The following DPYD variants were observed in gnomAD, a reference collection of about 807,000 sequenced individuals.
DPYD encodes dihydropyrimidine dehydrogenase.
A neutral mutation model predicts 116.2 loss-of-function variants in DPYD; 109 were observed. The ratio of observed to expected loss-of-function variants is 0.94; its 90% CI spans 0.80 to 1.10. The LOEUF (loss-of-function observed/expected upper bound fraction) is 1.10, where lower values mean the gene tolerates loss of function less well. Among genes scored for constraint, DPYD ranks in the 50% least tolerant of loss-of-function variants. The pLI is 0.00. For synonymous variants in DPYD, 440 were observed against 432.0 expected, an observed-to-expected ratio of 1.02 and a Z score of -0.23; for missense variants, 1,302 against 1,254.5, an observed-to-expected ratio of 1.04 and a Z score of -0.57.
chr1:97,246,434 A>G (rs1196576778), intron 18 of DPYD, among the ~76,000 whole-genome samples: 1 of 152,102 alleles, frequency 6.6e-6, no homozygotes, highest in Non-Finnish European at 1.5e-5. Context: ...GTGGTCTAGG[A>G]AGGCTTTGAG....
intron 12 of DPYD, among the ~76,000 whole-genome samples, chr1:97,532,035 G>T (rs1265537507): frequency 2.0e-5 from 3 of 151,840 alleles, no homozygotes; most frequent in African/African-American, 7.2e-5. Context: ...AGTTTTCAGG[G>T]TTTTGTATGT....
At chr1:97,389,871 A>AAT (rs1011397937) in intron 14 of DPYD, among the ~76,000 whole-genome samples, 3 of 150,882 alleles carry the variant, frequency 2.0e-5, no homozygotes, top group African/African-American at 7.3e-5. Context: ...TGGCAAAAAA[A>AAT]AAAAAAGTAG....
At chr1:97,410,419 T>G (rs1367292308) in intron 14 of DPYD, among the ~76,000 whole-genome samples, 1 of 152,206 alleles carries the variant, frequency 6.6e-6, no homozygotes, top group African/African-American at 2.4e-5. Context: ...TATTGTATAT[T>G]TGACATTAAA....
intron 13 of DPYD, among the ~76,000 whole-genome samples, chr1:97,468,532 G>A (rs894079852): frequency 1.1e-4 from 16 of 152,172 alleles, no homozygotes; most frequent in African/African-American, 2.4e-4. Flanking sequence ...TTGCCAGTGC[G>A]TTAAACTTAG....
At chr1:97,241,569 A>G (rs1001040357) in intron 18 of DPYD, among the ~76,000 whole-genome samples, 4 of 152,020 alleles carry the variant, frequency 2.6e-5, no homozygotes, top group African/African-American at 9.7e-5. Context: ...AGCAATTACC[A>G]AAAGAACCAT....
chr1:97,608,912 CTATT>C lies in DPYD; in HGVS notation c.851-13750_851-13747del, dbSNP rs757998277. ...GAAATTCTCAGTTGCTGTTTAGAAACTATTTAAGTTCACTGTAAACTATATAATA... is the reference window on the plus strand; with the variant it reads ...GAAATTCTCAGTTGCTGTTTAGAAACTAAGTTCACTGTAAACTATATAATA... On this transcript the variant is annotated intron_variant, in intron 8 of 22. Coordinates refer to ENST00000370192, the MANE Select transcript of DPYD (RefSeq NM_000110.4). 5.9e-5 allele frequency among the ~76,000 whole-genome samples: 9 copies of C among 151,910 alleles called. No homozygotes were observed. The East Asian group carries it at 1.4e-3, about 23-fold the overall frequency.
Position 97,721,598 on chromosome 1 carries a change from G to GTC in DPYD, c.394_395insGA (p.Thr132ArgfsTer7). The stretch of plus-strand genomic sequence containing the variant: ...GCATCCACCTACACAAAGATCAGAG[G>GTC]TTGGACATACCATTCCACAAGTCAG... On this transcript the variant is annotated frameshift_variant, in exon 5 of 23. Transcript: ENST00000370192. LOFTEE classifies it high-confidence loss of function. The GTC allele has an allele frequency of 1.9e-6, 3 of 1,611,822 alleles. No homozygotes were observed. Among genetic ancestry groups the GTC allele is most frequent in the South Asian group, 2.2e-5 (2 of 91,028 alleles).
Position 97,323,514 on chromosome 1 carries a change from G to A in DPYD, c.2059-17217C>T, listed in dbSNP as rs183447662. ...ATATACATATCATATGTACATATGTGTATATATACACATATATATACATAT... is the reference window on the plus strand; with the variant it reads ...ATATACATATCATATGTACATATGTATATATATACACATATATATACATAT... On this transcript the variant is annotated intron_variant, in intron 16 of 22. Coordinates refer to ENST00000370192, the MANE Select transcript of DPYD (RefSeq NM_000110.4). 1.5e-4 allele frequency among the ~76,000 whole-genome samples: 12 copies of A among 79,010 alleles called. 1 individual carries two copies. The highest frequency in any genetic ancestry group is 5.5e-4 in the African/African-American group (12 of 21,644). 51.8% of individuals were successfully genotyped at this position (79,010 alleles called of 152,430 possible). A position where few individuals can be genotyped will look rare whatever the true frequency, so the allele number is the denominator to read the frequency against.
chr1:97,663,575 G>C (rs1008369027), intron 8 of DPYD, among the ~76,000 whole-genome samples: 8 of 152,106 alleles, frequency 5.3e-5, no homozygotes, highest in Non-Finnish European at 1.2e-4. Flanking sequence ...TGCTGGTCTT[G>C]CTCTTCTCCA....
Position 97,204,724 on chromosome 1 carries a change from G to A in DPYD, c.2443-11476C>T, listed in dbSNP as rs147837968. On this transcript the variant is annotated intron_variant, in intron 19 of 22. Coordinates refer to ENST00000370192, the MANE Select transcript of DPYD (RefSeq NM_000110.4). ...TTCATTCCTGTCTTTATATTGGAGG[G>A]AGACTTTCACTTGTCCCTGTGGAAT... Among the ~76,000 whole-genome samples, 168 of 152,142 alleles carry A rather than the reference G, an allele frequency of 1.1e-3. 1 individual carries two copies. The highest frequency in any genetic ancestry group is 3.9e-3 in the African/African-American group (162 of 41,514).
intron 18 of DPYD, among the ~76,000 whole-genome samples, chr1:97,281,658 CA>C (rs1665331580): frequency 6.6e-6 from 1 of 151,894 alleles, no homozygotes; most frequent in Non-Finnish European, 1.5e-5. Context: ...AGGAAGTTAT[CA>C]AACTAAGTCC....
rs770958862 is a variant in DPYD, at chr1:97,234,947, G to A, written c.2347C>T (p.Arg783Cys). 1.7e-5 allele frequency: 28 copies of A among 1,614,012 alleles called. No homozygotes were observed. Among genetic ancestry groups the A allele is most frequent in the Admixed American group, 1.0e-4 (6 of 60,008 alleles). ...AAAATGGGAAATCCAGGCAGAGCAC[G>A]AGCAATGGAGGTCACAGCTCTCAAA... is the stretch of plus-strand genomic sequence containing the variant. Reference protein sequence around the residue: ...IALRAVTSIARALPGFPILAT... With the variant: ...IALRAVTSIACALPGFPILAT... The change falls in exon 19 of 23, where the codon CGT becomes TGT. Residue 783 changes from arginine (R) to cysteine (C), a missense_variant. Transcript: ENST00000370192.
intron 11 of DPYD, among the ~76,000 whole-genome samples, chr1:97,568,161 A>G (rs1468014452): frequency 6.6e-6 from 1 of 152,120 alleles, no homozygotes; most frequent in Non-Finnish European, 1.5e-5. Flanking sequence ...TAAAAAAATC[A>G]TGAATGTATG....
intron 6 of DPYD, among the ~76,000 whole-genome samples, chr1:97,692,254 G>T (rs1435102618): frequency 6.6e-6 from 1 of 151,700 alleles, no homozygotes; most frequent in African/African-American, 2.4e-5. Context: ...TGTACTTCTA[G>T]CTTGTTGATA....
Position 97,227,220 on chromosome 1 carries a change from G to A in DPYD, c.2442+7632C>T, listed in dbSNP as rs113782113. On this transcript the variant is annotated intron_variant, in intron 19 of 22. Transcript: ENST00000370192. ...CGCACTTGTAATCCCAGCTCTACTCGGGAGGCTGAGGCAGGAAAATGGCTT... is the reference window on the plus strand; with the variant it reads ...CGCACTTGTAATCCCAGCTCTACTCAGGAGGCTGAGGCAGGAAAATGGCTT... Among the ~76,000 whole-genome samples, 633 of 151,232 alleles carry A rather than the reference G, an allele frequency of 4.2e-3. 4 individuals carry two copies. Among genetic ancestry groups the A allele is most frequent in the African/African-American group, 0.014 (586 of 41,172 alleles).
At chr1:97,229,546 GTATATATATATATATATATATA>G (rs55638142) in intron 19 of DPYD, among the ~76,000 whole-genome samples, 29 of 58,168 alleles carry the variant, frequency 5.0e-4, no homozygotes, top group Non-Finnish European at 5.8e-4. Flanking sequence ...ACCATCCTAA[GTATATATATATATATATATATA>G]TATATATATA....
intron 10 of DPYD, among the ~76,000 whole-genome samples, chr1:97,580,965 T>C (rs1455955794): frequency 6.6e-6 from 1 of 152,092 alleles, no homozygotes; most frequent in Non-Finnish European, 1.5e-5. Flanking sequence ...TGTCATCAGA[T>C]ATTGATAATG....
chr1:97,643,088 G>A (rs1486162838), intron 8 of DPYD, among the ~76,000 whole-genome samples: 1 of 151,926 alleles, frequency 6.6e-6, no homozygotes, highest in African/African-American at 2.4e-5. Context: ...TGACAAATGG[G>A]ATCTAATTAA....
chr1:97,715,911 T>G (rs1303356620), intron 5 of DPYD, among the ~76,000 whole-genome samples: 1 of 152,048 alleles, frequency 6.6e-6, no homozygotes, highest in Non-Finnish European at 1.5e-5. Flanking sequence ...TCTCCTAAAA[T>G]AGAGTTGTAG....
Sources: allele counts gnomAD v4.1 joint callset (sites outside exome capture counted in the v4.1 genomes callset), GRCh38; gene constraint gnomAD v4.1.1; transcripts MANE v1.5; gene names NCBI Gene and HGNC (gene_info 2026-07-23, HGNC 2026-07-21).